Variants in INPP5A observed in about 807,000 individuals in gnomAD.
The protein encoded by INPP5A is inositol polyphosphate-5-phosphatase A, also known as 43 kDa inositol polyphosphate 5-phophatase.
A neutral mutation model predicts 65.2 loss-of-function variants in INPP5A; 14 were observed. That is an observed-to-expected ratio of 0.21 (90% CI 0.14 to 0.34). The LOEUF is 0.34. INPP5A is among the 10% of genes least tolerant of loss of function. The pLI is 1.00. For synonymous variants in INPP5A, 207 were observed against 208.3 expected (o/e 0.99, Z 0.05); for missense variants, 431 against 545.6 (o/e 0.79, Z 2.09).
At chr10:132,724,245 A>T (rs1388169134) in intron 8 of INPP5A, among the ~76,000 whole-genome samples, 1 of 152,224 alleles carries the variant, frequency 6.6e-6, no homozygotes. Flanking sequence ...TGAGATACAG[A>T]CTTGGTGGGA....
intron 12 of INPP5A, among the ~76,000 whole-genome samples, chr10:132,774,294 G>A (rs1362905408): frequency 2.6e-5 from 4 of 152,154 alleles, no homozygotes; most frequent in Non-Finnish European, 5.9e-5. Flanking sequence ...TTGTGACGGG[G>A]GTGTGTCAGA....
intron 8 of INPP5A, among the ~76,000 whole-genome samples, chr10:132,716,982 T>G (rs995065121): frequency 2.0e-5 from 3 of 152,162 alleles, no homozygotes; most frequent in Non-Finnish European, 4.4e-5. Context: ...AGAAGGCACA[T>G]ACTGCTGGGG....
At position 132,755,743 on chromosome 10, in the gene INPP5A, G is replaced by A. The variant is rs561989752; in HGVS notation, c.903+5898G>A. Among the ~76,000 whole-genome samples, 7 of 152,144 alleles carry A rather than the reference G, an allele frequency of 4.6e-5. No individual in the cohort carries two copies. In the East Asian group the frequency reaches 7.7e-4, roughly 17 times the overall value. ...GTTTAGGCAGACCCTAGCGGCAGCC[G>A]CTGAGGCCTGAGGGAGGTCCTGGCC... is the stretch of plus-strand genomic sequence containing the variant. On this transcript the variant is annotated intron_variant, in intron 11 of 15. Transcript: ENST00000368594.
At chr10:132,720,650 G>A (rs1254118326) in intron 8 of INPP5A, among the ~76,000 whole-genome samples, 7 of 148,418 alleles carry the variant, frequency 4.7e-5, no homozygotes, top group Non-Finnish European at 6.0e-5. Flanking sequence ...CACCTTAGAC[G>A]GCTGTCTTCA....
chr10:132,725,821 C>G (rs1369394567), intron 8 of INPP5A, among the ~76,000 whole-genome samples: 1 of 152,252 alleles, frequency 6.6e-6, no homozygotes, highest in Admixed American at 6.5e-5. Flanking sequence ...CCTGCCCTGG[C>G]AGCCCCACCT....
intron 11 of INPP5A, among the ~76,000 whole-genome samples, chr10:132,760,464 C>T (rs1846713159): frequency 6.6e-6 from 1 of 152,262 alleles, no homozygotes; most frequent in Admixed American, 6.5e-5. Flanking sequence ...ATCTGTGCCC[C>T]TGCACTTTGG....
intron 2 of INPP5A, among the ~76,000 whole-genome samples, chr10:132,625,549 G>A (rs2072171293): frequency 6.6e-6 from 1 of 152,150 alleles, no homozygotes; most frequent in Admixed American, 6.5e-5. Context: ...GCCCCTTGAG[G>A]CACAGGGGTC....
At chr10:132,749,149 C>A (rs1295869310) in intron 9 of INPP5A, among the ~76,000 whole-genome samples, 1 of 152,254 alleles carries the variant, frequency 6.6e-6, no homozygotes, top group Non-Finnish European at 1.5e-5. Context: ...AGAGAGCGAG[C>A]GGGAGGAGGC....
At chr10:132,735,570 C>A (rs186606589) in intron 9 of INPP5A, among the ~76,000 whole-genome samples, 5 of 152,342 alleles carry the variant, frequency 3.3e-5, no homozygotes, top group Admixed American at 3.3e-4. Context: ...GAGCTCCCAC[C>A]CACAGCAGCC....
intron 9 of INPP5A, among the ~76,000 whole-genome samples, chr10:132,730,962 C>G (rs1219721901): frequency 6.6e-6 from 1 of 152,218 alleles, no homozygotes; most frequent in Non-Finnish European, 1.5e-5. Flanking sequence ...AGGTGACTTT[C>G]AACCAGTGCA....
At chr10:132,738,253 G>A (rs1465881483) in intron 9 of INPP5A, among the ~76,000 whole-genome samples, 1 of 152,256 alleles carries the variant, frequency 6.6e-6, no homozygotes, top group Non-Finnish European at 1.5e-5. Flanking sequence ...TGCCAAGGCA[G>A]GGGGTTGCTG....
intron 3 of INPP5A, among the ~76,000 whole-genome samples, chr10:132,647,775 C>T (rs115728268): frequency 1.0e-3 from 157 of 152,296 alleles, no homozygotes; most frequent in African/African-American, 3.6e-3. Flanking sequence ...GAAATTGGAT[C>T]CCTGCTTTGT....
rs1590821280 is a variant in INPP5A, at chr10:132,549,689, G to A, written c.75+11518G>A. Among the ~76,000 whole-genome samples, 4 of 152,344 alleles carry A rather than the reference G, an allele frequency of 2.6e-5. No individual in the cohort carries two copies. In the South Asian group the frequency reaches 6.2e-4, roughly 24 times the overall value. ...GTGTCCTGGAGCTCTGCAGCTGCAG[G>A]GCGGGAGCCGGGGCTTCCGTGAGGC... is the stretch of plus-strand genomic sequence containing the variant. On this transcript the variant is annotated intron_variant, in intron 1 of 15. Coordinates refer to ENST00000368594, the MANE Select transcript of INPP5A (RefSeq NM_005539.5). This position sits in a 1 kb window ranked among gnomAD's most constrained non-coding sequence, Gnocchi z 4.9.
intron 11 of INPP5A, among the ~76,000 whole-genome samples, chr10:132,750,133 T>TGTGGG (rs1319679201): frequency 5.3e-5 from 8 of 152,210 alleles, no homozygotes; most frequent in Admixed American, 5.2e-4. Flanking sequence ...ACGCTGGTGC[T>TGTGGG]GTGGGGTGGG....
chr10:132,775,040 GGGGGGGC>G (rs1565013772), intron 12 of INPP5A, among the ~76,000 whole-genome samples: 1 of 854 alleles, frequency 1.2e-3, no homozygotes, highest in Non-Finnish European at 3.4e-3. Context: ...GCAGGGAGGA[GGGGGGGC>G]AGGGAGGAGG....
intron 2 of INPP5A, among the ~76,000 whole-genome samples, chr10:132,608,649 A>T (rs2071896674): frequency 6.6e-6 from 1 of 152,146 alleles, no homozygotes; most frequent in Non-Finnish European, 1.5e-5. Context: ...GAGGAGGGCA[A>T]CGTGGCCATG....
chr10:132,584,937 G>C (rs2071529443), intron 1 of INPP5A, among the ~76,000 whole-genome samples: 1 of 152,130 alleles, frequency 6.6e-6, no homozygotes, highest in South Asian at 2.1e-4. Context: ...GTGTTGTCTA[G>C]ACTGGTCTTT....
In INPP5A at chr10:132,659,946, A is replaced by G. The variant is rs2072713586; in HGVS notation, c.306+9441A>G. ...TGACATGTGACATACAACACATGAC[A>G]CGCGGCATACTCCCTGTGACATGGC... On this transcript the variant is annotated intron_variant, in intron 4 of 15. Coordinates refer to ENST00000368594, the MANE Select transcript of INPP5A (RefSeq NM_005539.5). This position sits in a 1 kb window ranked among gnomAD's most constrained non-coding sequence, Gnocchi z 5.5. Among the ~76,000 whole-genome samples the G allele has an allele frequency of 6.6e-6, 1 of 152,230 alleles. No individual in the cohort carries two copies. The highest frequency in any genetic ancestry group is 1.5e-5 in the Non-Finnish European group (1 of 68,032).
chr10:132,618,941 C>T (rs1264626695), intron 2 of INPP5A, among the ~76,000 whole-genome samples: 1 of 152,230 alleles, frequency 6.6e-6, no homozygotes, highest in Non-Finnish European at 1.5e-5. Flanking sequence ...CCAGGTTCCT[C>T]CTCTAACACT....
Sources: gnomAD v4.1 joint callset for allele counts (sites outside exome capture counted in the v4.1 genomes callset) on GRCh38, gnomAD v4.1.1 for gene constraint, Gnocchi (gnomAD v3.1) non-coding constraint, MANE v1.5 for transcripts, NCBI Gene and HGNC (gene_info 2026-07-23, HGNC 2026-07-21) for gene names.